Variants in TALDO1 observed in about 807,000 individuals in gnomAD.
TALDO1 encodes transaldolase 1.
In TALDO1, 29 loss-of-function variants were observed where a neutral mutation model predicts 38.1. The ratio of observed to expected loss-of-function variants is 0.76; its 90% CI spans 0.57 to 1.04. TALDO1 has a LOEUF of 1.04. Ranked by LOEUF, TALDO1 falls within the 50% of genes least tolerant of loss-of-function variation. The pLI, the probability that TALDO1 is intolerant of heterozygous loss-of-function variation, is 0.00. For missense variants in TALDO1, 499 were observed against 438.1 expected (o/e 1.14, Z -1.24); for synonymous variants, 207 against 176.8 (o/e 1.17, Z -1.36).
At chr11:763,037 T>C (rs1862966036) in intron 4 of TALDO1, among the ~76,000 whole-genome samples, 1 of 152,182 alleles carries the variant, frequency 6.6e-6, no homozygotes. Flanking sequence ...AAAATCCTGG[T>C]CACCCATAAC....
chr11:764,451 G>GT lies in TALDO1; in HGVS notation c.981+19dup. On this transcript the variant is annotated intron_variant, in intron 7 of 7. Transcript: ENST00000319006. Reference sequence around the variant, plus strand: ...TGCTGACAGTGAGTGTTGTGTGTGGGTACCTACATATGCCAAGCCCTATGA... The same window carrying GT: ...TGCTGACAGTGAGTGTTGTGTGTGGGTTACCTACATATGCCAAGCCCTATGA... The GT allele has an allele frequency of 6.2e-7, 1 of 1,613,248 alleles. No homozygotes were observed. The highest frequency in any genetic ancestry group is 8.5e-7 in the Non-Finnish European group (1 of 1,179,576).
rs568945703 is a variant in TALDO1 at position 764,924 on chromosome 11, G to C, written c.*79G>C. On this transcript the variant is annotated 3_prime_UTR_variant, in exon 8 of 8. Transcript: ENST00000319006. ...CTGCACGTGGCTTCTGATGAATCTTGCGTTTTTTACAAATTGGAGCAGGGA... is the reference window on the plus strand; with the variant it reads ...CTGCACGTGGCTTCTGATGAATCTTCCGTTTTTTACAAATTGGAGCAGGGA... 1.3e-6 allele frequency: 2 copies of C among 1,597,408 alleles called. No individual in the cohort carries two copies. Among genetic ancestry groups the C allele is most frequent in the South Asian group, 1.1e-5 (1 of 90,722 alleles).
intron 3 of TALDO1, 133 bp from the exon 4 acceptor site, chr11:759,989 A>T (rs1862902682): frequency 1.6e-6 from 2 of 1,251,928 alleles, no homozygotes; most frequent in Non-Finnish European, 2.3e-6. Flanking sequence ...CAGTGAGGGG[A>T]AGGTTGAGGG....
At chr11:762,994 T>G (rs1407478063) in intron 4 of TALDO1, among the ~76,000 whole-genome samples, 1 of 152,180 alleles carries the variant, frequency 6.6e-6, no homozygotes, top group Non-Finnish European at 1.5e-5. Flanking sequence ...AGGGCCTCCC[T>G]TGCCTTTGTC....
chr11:754,874 G>A (rs1410069183), intron 1 of TALDO1, among the ~76,000 whole-genome samples: 3 of 152,080 alleles, frequency 2.0e-5, no homozygotes, highest in Non-Finnish European at 2.9e-5. Context: ...GGGCTCAAGC[G>A]ATCCTCCTGC....
intron 3 of TALDO1, 147 bp downstream of exon 3, chr11:759,204 T>C: frequency 1.5e-6 from 1 of 677,398 alleles, no homozygotes; most frequent in South Asian, 1.5e-5. Flanking sequence ...TCTCCCACAG[T>C]TGGTAGTGAT....
chr11:760,382 G>A (rs1257027702), intron 4 of TALDO1, 129 bp downstream of exon 4: 2 of 1,418,106 alleles, frequency 1.4e-6, no homozygotes, highest in Non-Finnish European at 1.9e-6. Context: ...ACAGCCCACA[G>A]CTTGGACTTG....
rs117017693 is a variant in TALDO1 at position 764,005 on chromosome 11, G to A, written c.835+61G>A. On this transcript the variant is annotated intron_variant, in intron 6 of 7. Coordinates refer to ENST00000319006, the MANE Select transcript of TALDO1 (RefSeq NM_006755.2). ...GGCAAGGCCAGCACTGCCGTGCCAC[G>A]CTGCCCTGTGGGTGATCCCTCCCAC... The A allele has an allele frequency of 5.8e-3, 9,183 of 1,570,950 alleles. 78 individuals are homozygous for A. Among genetic ancestry groups the A allele is most frequent in the Non-Finnish European group, 5.5e-3 (6,353 of 1,161,288 alleles).
chr11:747,727 T>C (rs1474148304), intron 1 of TALDO1, 149 bp downstream of exon 1: 2 of 697,842 alleles, frequency 2.9e-6, no homozygotes, highest in African/African-American at 1.9e-5. Context: ...AGGTGCCGGA[T>C]GTTGGGGCCA....
Position 764,936 on chromosome 11 carries a change from A to G in TALDO1, c.*91A>G, listed in dbSNP as rs908129412. The G allele has an allele frequency of 1.9e-6, 3 of 1,555,298 alleles. No homozygotes were observed. The African/African-American group carries it at 4.1e-5, about 21-fold the overall frequency. On this transcript the variant is annotated 3_prime_UTR_variant, in exon 8 of 8. Transcript: ENST00000319006. Reference sequence around the variant, plus strand: ...TCTGATGAATCTTGCGTTTTTTACAAATTGGAGCAGGGACAGATCATAGAT... The same window carrying G: ...TCTGATGAATCTTGCGTTTTTTACAGATTGGAGCAGGGACAGATCATAGAT...
chr11:753,874 T>C (rs1219735204), intron 1 of TALDO1, among the ~76,000 whole-genome samples: 2 of 147,298 alleles, frequency 1.4e-5, no homozygotes, highest in Middle Eastern at 3.5e-3. Context: ...TTTACTGCAC[T>C]CCAGCCTGGA....
intron 4 of TALDO1, among the ~76,000 whole-genome samples, chr11:761,722 C>T (rs965619421): frequency 5.9e-5 from 9 of 152,166 alleles, no homozygotes; most frequent in East Asian, 1.9e-4. Flanking sequence ...TTTTTCACCA[C>T]GGCTGGAGTG....
intron 6 of TALDO1, 54 bp downstream of exon 6, chr11:763,998 G>C (rs3891028): frequency 0.23 from 358,691 of 1,579,332 alleles, 44,701 homozygotes; most frequent in African/African-American, 0.49. Flanking sequence ...CAGCACTGCC[G>C]TGCCACGCTG....
chr11:759,169 G>T, intron 3 of TALDO1, 112 bp downstream of exon 3: 2 of 908,212 alleles, frequency 2.2e-6, no homozygotes, highest in Non-Finnish European at 3.6e-6. Context: ...CATCCCAAGG[G>T]CCCAAGAGGA....
chr11:760,048 C>A (rs1314505261), intron 3 of TALDO1, 74 bp from the exon 4 acceptor site: 6 of 1,604,104 alleles, frequency 3.7e-6, no homozygotes, highest in South Asian at 3.3e-5. Context: ...CAGGCAGACA[C>A]CCGGCCTCCA....
chr11:757,127 C>A (rs1317436091), intron 2 of TALDO1, among the ~76,000 whole-genome samples: 1 of 152,054 alleles, frequency 6.6e-6, no homozygotes, highest in South Asian at 2.1e-4. Flanking sequence ...CTGAGTCTGA[C>A]CCTCTCCTCT....
At chr11:763,622 G>A (rs1287931754) in intron 5 of TALDO1, 103 bp downstream of exon 5, 1 of 1,573,678 alleles carries the variant, frequency 6.4e-7, no homozygotes. Context: ...GCAGTGAGGT[G>A]CACAGGTCGG....
chr11:755,773 G>A (rs951009204), intron 1 of TALDO1, 106 bp from the exon 2 acceptor site: 154 of 1,563,560 alleles, frequency 9.8e-5, no homozygotes, highest in Non-Finnish European at 1.3e-4. Flanking sequence ...TTTCGGAAAT[G>A]CTCTGGACTC....
intron 4 of TALDO1, chr11:760,512 G>A (rs552405757): frequency 2.0e-6 from 1 of 491,334 alleles, no homozygotes; most frequent in South Asian, 2.0e-5. Flanking sequence ...GAGAAGAAAA[G>A]CCACTAGTTA....
Sources: gnomAD v4.1 joint callset for allele counts (sites outside exome capture counted in the v4.1 genomes callset) on GRCh38, gnomAD v4.1.1 for gene constraint, MANE v1.5 for transcripts, NCBI Gene and HGNC (gene_info 2026-07-23, HGNC 2026-07-21) for gene names.